The following ZNF197 variants were observed in gnomAD, a reference collection of about 807,000 sequenced individuals.
ZNF197 encodes the protein VHL-associated KRAB-A domain-containing protein.
ZNF197 carries 14 observed loss-of-function variants against 27.4 expected under a neutral mutation model. That is an observed-to-expected ratio of 0.51 (90% CI 0.34 to 0.80). The LOEUF (loss-of-function observed/expected upper bound fraction) is 0.80. Ranked by LOEUF, ZNF197 falls within the 30% of genes least tolerant of loss-of-function variation. ZNF197 has a pLI of 0.02. For synonymous variants in ZNF197, 415 were observed against 420.0 expected (o/e 0.99, Z 0.15); for missense variants, 1,090 against 1,222.6 (o/e 0.89, Z 1.62).
rs1387436472 is a variant in ZNF197 at position 44,642,257 on chromosome 3, G to A, written c.1127G>A (p.Cys376Tyr). The A allele has an allele frequency of 1.9e-6, 3 of 1,613,786 alleles. No individual in the cohort carries two copies. Among genetic ancestry groups the A allele is most frequent in the South Asian group, 1.1e-5 (1 of 91,038 alleles). Residue 376 changes from cysteine to tyrosine, a missense_variant, in exon 6 of 6, where the codon TGT becomes TAT. Transcript: ENST00000344387. ...GKKFYKCDMC[C>Y]KHFNKISHLI... is the part of the protein sequence containing the mutation. Reference sequence around the variant, plus strand: ...AAGTTTTATAAATGTGATATGTGTTGTAAACATTTTAATAAAATCTCCCAT... The same window carrying A: ...AAGTTTTATAAATGTGATATGTGTTATAAACATTTTAATAAAATCTCCCAT...
At chr3:44,635,680 T>C (rs960818929) in intron 5 of ZNF197, among the ~76,000 whole-genome samples, 1 of 152,208 alleles carries the variant, frequency 6.6e-6, no homozygotes, top group Admixed American at 6.5e-5. Flanking sequence ...AAATATTGAG[T>C]ACCTCCCCTG....
intron 5 of ZNF197, among the ~76,000 whole-genome samples, chr3:44,636,997 T>C (rs1188096065): frequency 1.3e-5 from 2 of 152,240 alleles, no homozygotes; most frequent in Admixed American, 6.5e-5. Flanking sequence ...TGACTATATG[T>C]ACGTCTTCGG....
chr3:44,645,179 C>T lies in ZNF197; in HGVS notation c.*959C>T, dbSNP rs541840731. The T allele has an allele frequency of 4.1e-6, 4 of 973,588 alleles. No homozygotes were observed. In the South Asian group the frequency reaches 1.4e-4, roughly 35 times the overall value. The allele number at this position is 973,588 out of a possible 1,614,324, so 60.3% of individuals were successfully genotyped here. A position where few individuals can be genotyped will look rare whatever the true frequency, so the allele number is the denominator to read the frequency against. The stretch of plus-strand genomic sequence containing the variant: ...AAATGTTGACATGATACCTACCTCA[C>T]AGGGTTGTTGTGAGGGTTAAGTGAA... On this transcript the variant is annotated 3_prime_UTR_variant, in exon 6 of 6. Coordinates refer to ENST00000344387, the MANE Select transcript of ZNF197 (RefSeq NM_006991.5).
Position 44,625,077 on chromosome 3 carries a change from G to A in ZNF197, c.-148G>A, listed in dbSNP as rs932484083. On this transcript the variant is annotated 5_prime_UTR_variant, in exon 1 of 6. Coordinates refer to ENST00000344387, the MANE Select transcript of ZNF197 (RefSeq NM_006991.5). ...GGCTGCCGGAAGGGCTCGTTCCTGT[G>A]TCATCTCCTAGCGGCCTGGCGCCGA... 1 of 152,234 alleles carries A rather than the reference G, an allele frequency of 6.6e-6. No individual in the cohort carries two copies. The highest frequency in any genetic ancestry group is 2.4e-5 in the African/African-American group (1 of 41,464). The allele number at this position is 152,234 out of a possible 1,614,324, so 9.4% of individuals were successfully genotyped here.
In ZNF197 at chr3:44,646,535, C is replaced by A; in HGVS notation, c.*2315C>A. ...GCAGAGGAACAAATAAAAGACACCACGAGAAACAGACACATCCAGAACGTG... is the reference window on the plus strand; with the variant it reads ...GCAGAGGAACAAATAAAAGACACCAAGAGAAACAGACACATCCAGAACGTG... On this transcript the variant is annotated 3_prime_UTR_variant, in exon 6 of 6. Coordinates refer to ENST00000344387, the MANE Select transcript of ZNF197 (RefSeq NM_006991.5). 1 of 1,360,348 alleles carries A rather than the reference C, an allele frequency of 7.4e-7. No homozygotes were observed. Among genetic ancestry groups the A allele is most frequent in the Non-Finnish European group, 1.1e-6 (1 of 948,648 alleles). 84.3% of individuals were successfully genotyped at this position (1,360,348 alleles called of 1,614,324 possible). A position where few individuals can be genotyped will look rare whatever the true frequency, so the allele number is the denominator to read the frequency against.
Position 44,645,570 on chromosome 3 carries a change from G to T in ZNF197, c.*1350G>T. On this transcript the variant is annotated 3_prime_UTR_variant, in exon 6 of 6. Transcript: ENST00000344387. ...CTTTTGAATTTGAAACTTAACAGAT[G>T]GAGAGTGTCAAAATGGAAGGGCAGT... is the stretch of plus-strand genomic sequence containing the variant. The T allele has an allele frequency of 2.0e-6, 2 of 985,332 alleles. No homozygotes were observed. The highest frequency in any genetic ancestry group is 2.4e-6 in the Non-Finnish European group (2 of 829,916). 61.0% of individuals were successfully genotyped at this position (985,332 alleles called of 1,614,324 possible). A position where few individuals can be genotyped will look rare whatever the true frequency, so the allele number is the denominator to read the frequency against.
In ZNF197 at chr3:44,631,356, T is replaced by C. The variant is rs1014100945; in HGVS notation, c.550+135T>C. The stretch of plus-strand genomic sequence containing the variant: ...CAGTGCCAATTTCTTTCTGCTGTTC[T>C]GTTGTTCTCTCCTTCTTTCTTGGGC... On this transcript the variant is annotated intron_variant, in intron 3 of 5. Transcript: ENST00000344387. The C allele has an allele frequency of 1.4e-5, 16 of 1,107,812 alleles. No homozygotes were observed. In the South Asian group the frequency reaches 2.4e-4, roughly 16 times the overall value. The allele number at this position is 1,107,812 out of a possible 1,614,324, so 68.6% of individuals were successfully genotyped here. A position where few individuals can be genotyped will look rare whatever the true frequency, so the allele number is the denominator to read the frequency against.
Position 44,646,150 on chromosome 3 carries a change from G to C in ZNF197, c.*1930G>C, listed in dbSNP as rs1702944015. On this transcript the variant is annotated 3_prime_UTR_variant, in exon 6 of 6. Coordinates refer to ENST00000344387, the MANE Select transcript of ZNF197 (RefSeq NM_006991.5). ...GTCTTAAGACCTGGATGTGGTTCAG[G>C]TTTTGCCATCTGCCTCAGAAAAAAT... is the stretch of plus-strand genomic sequence containing the variant. The C allele has an allele frequency of 1.0e-6, 1 of 984,900 alleles. No homozygotes were observed. Among genetic ancestry groups the C allele is most frequent in the Non-Finnish European group, 1.2e-6 (1 of 829,470 alleles). 61.0% of individuals were successfully genotyped at this position (984,900 alleles called of 1,614,324 possible).
chr3:44,626,260 C>G (rs2125788588), intron 1 of ZNF197, among the ~76,000 whole-genome samples: 1 of 152,220 alleles, frequency 6.6e-6, no homozygotes, highest in East Asian at 1.9e-4. Flanking sequence ...ATTAGAAAAA[C>G]CTAACTGACC....
chr3:44,631,218 C>T lies in ZNF197; in HGVS notation c.547C>T (p.His183Tyr), dbSNP rs576972778. 1.1e-5 allele frequency: 17 copies of T among 1,614,106 alleles called. No individual in the cohort carries two copies. The East Asian group carries it at 3.3e-4, about 32-fold the overall frequency. ...GGCATTCAACCTCCAGGATCCTCAGCATGGTATTTACTCAGTGCTCTGGGT... is the reference window on the plus strand; with the variant it reads ...GGCATTCAACCTCCAGGATCCTCAGTATGGTATTTACTCAGTGCTCTGGGT... ...LVAFNLQDPQ[H>Y]DSPAPEASAL... is the part of the protein sequence containing the mutation. The change falls in exon 3 of 6, where the codon CAT (histidine) becomes TAT (tyrosine). Residue 183 changes from histidine (H) to tyrosine (Y), a missense_variant. Coordinates refer to ENST00000344387, the MANE Select transcript of ZNF197 (RefSeq NM_006991.5).
chr3:44,645,821 T>C lies in ZNF197; in HGVS notation c.*1601T>C, dbSNP rs1197033596. The C allele has an allele frequency of 3.0e-6, 3 of 985,354 alleles. No individual in the cohort carries two copies. The East Asian group carries it at 3.4e-4, about 112-fold the overall frequency. The allele number at this position is 985,354 out of a possible 1,614,324, so 61.0% of individuals were successfully genotyped here. On this transcript the variant is annotated 3_prime_UTR_variant, in exon 6 of 6. Coordinates refer to ENST00000344387, the MANE Select transcript of ZNF197 (RefSeq NM_006991.5). ...CTGATTAAGCCAGTGCAGAATCCACTTGTGGGCAGTCAGTGCCCATTACCC... is the reference window on the plus strand; with the variant it reads ...CTGATTAAGCCAGTGCAGAATCCACCTGTGGGCAGTCAGTGCCCATTACCC...
chr3:44,626,667 A>G (rs1242164426), intron 1 of ZNF197, among the ~76,000 whole-genome samples: 1 of 152,230 alleles, frequency 6.6e-6, no homozygotes, highest in Non-Finnish European at 1.5e-5. Flanking sequence ...GAAGAGCACA[A>G]ACTTTGAGAA....
In ZNF197 at chr3:44,642,036, A is replaced by T; in HGVS notation, c.906A>T (p.Glu302Asp). 5 of 1,614,140 alleles carry T rather than the reference A, an allele frequency of 3.1e-6. No individual in the cohort carries two copies. Among genetic ancestry groups the T allele is most frequent in the Non-Finnish European group, 4.2e-6 (5 of 1,179,988 alleles). Residue 302 changes from glutamate (E) to aspartate (D), a missense_variant, in exon 6 of 6, where the codon GAA (glutamate) becomes GAT (aspartate). Coordinates refer to ENST00000344387, the MANE Select transcript of ZNF197 (RefSeq NM_006991.5). ...PQVLDFEEEC[E>D]WQVLASQWGN... Reference sequence around the variant, plus strand: ...TCCTTGATTTTGAAGAAGAGTGTGAATGGCAAGTTTTGGCAAGTCAGTGGG... The same window carrying T: ...TCCTTGATTTTGAAGAAGAGTGTGATTGGCAAGTTTTGGCAAGTCAGTGGG...
In ZNF197 at chr3:44,640,620, C is replaced by T. The variant is rs1454975318; in HGVS notation, c.770-1280C>T. ...CTCAAAGTCCTGACCTCAAGTGATCCGCCCTCCTCAGCCTCCCAGAGTGCT... is the reference window on the plus strand; with the variant it reads ...CTCAAAGTCCTGACCTCAAGTGATCTGCCCTCCTCAGCCTCCCAGAGTGCT... On this transcript the variant is annotated intron_variant, in intron 5 of 5. Transcript: ENST00000344387. The surrounding 1 kb of genome is among the most constrained non-coding windows in gnomAD (Gnocchi z 4.0). Among the ~76,000 whole-genome samples the T allele has an allele frequency of 2.6e-5, 4 of 152,132 alleles. No individual in the cohort carries two copies. Among genetic ancestry groups the T allele is most frequent in the East Asian group, 1.9e-4 (1 of 5,188 alleles).
At position 44,645,504 on chromosome 3, in the gene ZNF197, G is replaced by A. The variant is rs1438548044; in HGVS notation, c.*1284G>A. 5.1e-6 allele frequency: 5 copies of A among 985,132 alleles called. No individual in the cohort carries two copies. The highest frequency in any genetic ancestry group is 6.0e-6 in the Non-Finnish European group (5 of 829,914). 61.0% of individuals were successfully genotyped at this position (985,132 alleles called of 1,614,324 possible). A position where few individuals can be genotyped will look rare whatever the true frequency, so the allele number is the denominator to read the frequency against. On this transcript the variant is annotated 3_prime_UTR_variant, in exon 6 of 6. Coordinates refer to ENST00000344387, the MANE Select transcript of ZNF197 (RefSeq NM_006991.5). Reference sequence around the variant, plus strand: ...TATATGGAAAAAAATGTTATGGCCAGCCATTAACAGTGATGCCAAGGAAAA... The same window carrying A: ...TATATGGAAAAAAATGTTATGGCCAACCATTAACAGTGATGCCAAGGAAAA...
At chr3:44,636,208 G>C (rs1281413444) in intron 5 of ZNF197, among the ~76,000 whole-genome samples, 2 of 151,938 alleles carry the variant, frequency 1.3e-5, no homozygotes, top group Non-Finnish European at 2.9e-5. Flanking sequence ...GGGAGGCTGA[G>C]GCAGGAGAAT....
At position 44,646,134 on chromosome 3, in the gene ZNF197, C is replaced by A. The variant is rs745996078; in HGVS notation, c.*1914C>A. On this transcript the variant is annotated 3_prime_UTR_variant, in exon 6 of 6. Transcript: ENST00000344387. ...GGGCCTAAGGCTTAAAGTCTTAAGA[C>A]CTGGATGTGGTTCAGGTTTTGCCAT... The A allele has an allele frequency of 2.3e-5, 23 of 985,024 alleles. No homozygotes were observed. Among genetic ancestry groups the A allele is most frequent in the Non-Finnish European group, 2.8e-5 (23 of 829,738 alleles). The allele number at this position is 985,024 out of a possible 1,614,324, so 61.0% of individuals were successfully genotyped here. A position where few individuals can be genotyped will look rare whatever the true frequency, so the allele number is the denominator to read the frequency against.
Position 44,646,453 on chromosome 3 carries a change from A to C in ZNF197, c.*2233A>C, listed in dbSNP as rs769616532. On this transcript the variant is annotated 3_prime_UTR_variant, in exon 6 of 6. Transcript: ENST00000344387. ...GATGTAATAAGCTGAAAAATGTTCA[A>C]CCTGAATTTAATCAAGCTTCTTGGA... 7.4e-6 allele frequency: 12 copies of C among 1,613,390 alleles called. No individual in the cohort carries two copies. The highest frequency in any genetic ancestry group is 1.0e-5 in the Non-Finnish European group (12 of 1,179,678).
chr3:44,631,702 T>C (rs1702014432), intron 3 of ZNF197, among the ~76,000 whole-genome samples: 1 of 146,300 alleles, frequency 6.8e-6, no homozygotes, highest in Non-Finnish European at 1.5e-5. Flanking sequence ...CACCCGGCCA[T>C]TTTTGTTTTT....
Sources: allele counts gnomAD v4.1 joint callset (sites outside exome capture counted in the v4.1 genomes callset), GRCh38; gene constraint gnomAD v4.1.1; non-coding constraint Gnocchi (gnomAD v3.1); transcripts MANE v1.5; gene names NCBI Gene and HGNC (gene_info 2026-07-23, HGNC 2026-07-21).